GTF2F2: variants seen among roughly 807,000 people sequenced by gnomAD.
GTF2F2 encodes ATP-dependent helicase GTF2F2.
GTF2F2 carries 23 observed loss-of-function variants against 42.2 expected under a neutral mutation model. The ratio of observed to expected loss-of-function variants is 0.55; its 90% CI spans 0.39 to 0.77. The LOEUF is 0.77. Among genes scored for constraint, GTF2F2 ranks in the 30% least tolerant of loss-of-function variants. The pLI, the probability that GTF2F2 is intolerant of heterozygous loss-of-function variation, is 0.00. For synonymous variants in GTF2F2, 105 were observed against 100.8 expected, an observed-to-expected ratio of 1.04 and a Z score of -0.25; for missense variants, 261 against 287.2, an observed-to-expected ratio of 0.91 and a Z score of 0.66.
At position 45,152,906 on chromosome 13, in the gene GTF2F2, A is replaced by G. The variant is rs145507544; in HGVS notation, c.304+1075A>G. 4.9e-3 allele frequency among the ~76,000 whole-genome samples: 752 copies of G among 152,332 alleles called. 8 individuals carry two copies. Among genetic ancestry groups the G allele is most frequent in the African/African-American group, 0.017 (709 of 41,576 alleles). ...TTCAAAAAGCTTATTGACAAAAGAAAACATTTGTGATTTTGTTGTATTTCA... is the reference window on the plus strand; with the variant it reads ...TTCAAAAAGCTTATTGACAAAAGAAGACATTTGTGATTTTGTTGTATTTCA... On this transcript the variant is annotated intron_variant, in intron 4 of 7. Transcript: ENST00000340473.
chr13:45,181,994 C>T (rs1389518797), intron 4 of GTF2F2, among the ~76,000 whole-genome samples: 2 of 151,982 alleles, frequency 1.3e-5, no homozygotes, highest in Non-Finnish European at 2.9e-5. Context: ...AACAAATGGC[C>T]GCCCTGCTGG....
At position 45,165,913 on chromosome 13, in the gene GTF2F2, A is replaced by C; in HGVS notation, c.304+14082A>C. Among the ~76,000 whole-genome samples, 2 of 147,092 alleles carry C rather than the reference A, an allele frequency of 1.4e-5. 1 individual carries two copies. Among genetic ancestry groups the C allele is most frequent in the Non-Finnish European group, 3.0e-5 (2 of 67,472 alleles). ...ACTGCAACCTCTGTCTCCCAGGTTC[A>C]AGTGATTCTCCTGTCTCAGCCTCCC... is the stretch of plus-strand genomic sequence containing the variant. On this transcript the variant is annotated intron_variant, in intron 4 of 7. Coordinates refer to ENST00000340473, the MANE Select transcript of GTF2F2 (RefSeq NM_004128.3).
At chr13:45,133,148 G>C (rs1442383010) in intron 1 of GTF2F2, among the ~76,000 whole-genome samples, 1 of 152,088 alleles carries the variant, frequency 6.6e-6, no homozygotes, top group Non-Finnish European at 1.5e-5. Flanking sequence ...GGAAGATGGG[G>C]CAAGGGAATG....
At chr13:45,128,594 TTTTATTTTA>T (rs1869170545) in intron 1 of GTF2F2, among the ~76,000 whole-genome samples, 1 of 151,438 alleles carries the variant, frequency 6.6e-6, no homozygotes, top group African/African-American at 2.4e-5. Context: ...ATTTATTTTA[TTTTATTTTA>T]TTTTTTGAGA....
chr13:45,278,084 T>G (rs1877106633), intron 7 of GTF2F2, among the ~76,000 whole-genome samples: 1 of 152,158 alleles, frequency 6.6e-6, no homozygotes, highest in Admixed American at 6.6e-5. Flanking sequence ...GCAGATTAAG[T>G]CCTCCATTTG....
intron 5 of GTF2F2, among the ~76,000 whole-genome samples, chr13:45,250,953 C>T (rs912568040): frequency 6.6e-6 from 1 of 152,124 alleles, no homozygotes; most frequent in Non-Finnish European, 1.5e-5. Context: ...CAGTAAGTTT[C>T]TAAAGACACT....
At chr13:45,139,021 C>G (rs1869779092) in intron 2 of GTF2F2, among the ~76,000 whole-genome samples, 1 of 152,186 alleles carries the variant, frequency 6.6e-6, no homozygotes, top group South Asian at 2.1e-4. Flanking sequence ...TTAGCAGATT[C>G]ACAGGAAGCA....
intron 4 of GTF2F2, among the ~76,000 whole-genome samples, chr13:45,199,309 G>C (rs1873059135): frequency 1.3e-5 from 2 of 152,166 alleles, no homozygotes; most frequent in South Asian, 4.1e-4. Context: ...GTGTCAAAAG[G>C]AGCACAAATA....
chr13:45,202,134 C>T (rs1308891763), intron 4 of GTF2F2, among the ~76,000 whole-genome samples: 1 of 152,200 alleles, frequency 6.6e-6, no homozygotes, highest in Non-Finnish European at 1.5e-5. Flanking sequence ...CACCTGTAAT[C>T]CTAGCACTTT....
intron 7 of GTF2F2, among the ~76,000 whole-genome samples, chr13:45,274,242 C>T (rs895213063): frequency 5.7e-4 from 86 of 151,566 alleles, no homozygotes; most frequent in Admixed American, 5.6e-3. Flanking sequence ...TAAAAATAGT[C>T]ATCTTAATTT....
chr13:45,190,761 G>C (rs570642708), intron 4 of GTF2F2, among the ~76,000 whole-genome samples: 34 of 150,434 alleles, frequency 2.3e-4, no homozygotes, highest in Admixed American at 2.1e-3. Context: ...TTTTGTTTTT[G>C]TTTTTTTTGA....
At chr13:45,135,039 C>T (rs188656382) in intron 1 of GTF2F2, among the ~76,000 whole-genome samples, 63 of 152,002 alleles carry the variant, frequency 4.1e-4, no homozygotes, top group African/African-American at 1.4e-3. Flanking sequence ...CTGCAACCTC[C>T]ACCTCCTGGG....
intron 5 of GTF2F2, among the ~76,000 whole-genome samples, chr13:45,230,655 T>A (rs913560050): frequency 6.6e-6 from 1 of 152,222 alleles, no homozygotes; most frequent in Non-Finnish European, 1.5e-5. Flanking sequence ...ATATTGTCCA[T>A]TTTGAGATAA....
chr13:45,184,354 G>A (rs1312394933), intron 4 of GTF2F2, among the ~76,000 whole-genome samples: 2 of 151,804 alleles, frequency 1.3e-5, no homozygotes, highest in East Asian at 1.9e-4. Context: ...AACATGGGTG[G>A]CGTTGATTGG....
At chr13:45,136,542 A>T (rs1869631542) in intron 1 of GTF2F2, among the ~76,000 whole-genome samples, 191 bp from the exon 2 acceptor site, 2 of 152,238 alleles carry the variant, frequency 1.3e-5, no homozygotes, top group South Asian at 4.1e-4. Flanking sequence ...TGCCACCTCG[A>T]TTAAGTTCTT....
intron 7 of GTF2F2, among the ~76,000 whole-genome samples, chr13:45,273,841 T>A (rs990863264): frequency 6.6e-6 from 1 of 152,060 alleles, no homozygotes; most frequent in Non-Finnish European, 1.5e-5. Context: ...GCTTATTAAC[T>A]GTCTGCTGCT....
intron 4 of GTF2F2, among the ~76,000 whole-genome samples, chr13:45,157,967 T>G (rs1272197455): frequency 2.6e-5 from 4 of 152,224 alleles, no homozygotes; most frequent in Admixed American, 6.5e-5. Flanking sequence ...TATATCCATG[T>G]TTCTGCCAGT....
chr13:45,246,287 A>G (rs942975109), intron 5 of GTF2F2, among the ~76,000 whole-genome samples: 1 of 152,098 alleles, frequency 6.6e-6, no homozygotes, highest in African/African-American at 2.4e-5. Context: ...CTGGGATTAC[A>G]GGCGTGAGCC....
intron 7 of GTF2F2, among the ~76,000 whole-genome samples, chr13:45,281,857 ATTG>A (rs1175422515): frequency 7.2e-5 from 11 of 152,212 alleles, no homozygotes; most frequent in Non-Finnish European, 1.5e-5. Context: ...CACACAAATT[ATTG>A]TTGGATTGCT....
Sources: gnomAD v4.1 joint callset for allele counts (sites outside exome capture counted in the v4.1 genomes callset) on GRCh38, gnomAD v4.1.1 for gene constraint, MANE v1.5 for transcripts, NCBI Gene and HGNC (gene_info 2026-07-23, HGNC 2026-07-21) for gene names.